ASAP1: variants seen among roughly 807,000 people sequenced by gnomAD.
ASAP1 encodes arf-GAP with SH3 domain, ANK repeat and PH domain-containing protein 1.
A neutral mutation model predicts 145.2 loss-of-function variants in ASAP1; 43 were observed. That is an observed-to-expected ratio of 0.30 (90% CI 0.23 to 0.38). The LOEUF is 0.38. ASAP1 is among the 10% of genes least tolerant of loss of function. ASAP1 has a pLI of 1.00. For missense variants in ASAP1, 1,018 were observed against 1,355.3 expected, an observed-to-expected ratio of 0.75 and a Z score of 3.91; for synonymous variants, 546 against 515.5, an observed-to-expected ratio of 1.06 and a Z score of -0.80.
At chr8:130,440,544 A>G (rs2138843384) in intron 1 of ASAP1, among the ~76,000 whole-genome samples, 1 of 150,356 alleles carries the variant, frequency 6.7e-6, no homozygotes, top group South Asian at 2.1e-4. Context: ...ATCACTGCTG[A>G]GCTTAAACTC....
At chr8:130,148,149 G>A (rs931558909) in intron 13 of ASAP1, among the ~76,000 whole-genome samples, 3 of 152,174 alleles carry the variant, frequency 2.0e-5, no homozygotes, top group Non-Finnish European at 2.9e-5. Flanking sequence ...TAAGGCCAAG[G>A]TAAGCAGTTC....
At chr8:130,220,036 A>G (rs114262113) in intron 4 of ASAP1, among the ~76,000 whole-genome samples, 3 of 152,268 alleles carry the variant, frequency 2.0e-5, no homozygotes, top group African/African-American at 7.2e-5. Context: ...TGTTCCTCCC[A>G]CATTGGCCAC....
At chr8:130,133,376 G>C (rs1439482723) in intron 15 of ASAP1, among the ~76,000 whole-genome samples, 2 of 152,204 alleles carry the variant, frequency 1.3e-5, no homozygotes, top group Non-Finnish European at 2.9e-5. Flanking sequence ...CAACCCAGGG[G>C]CCGGGCGCGG....
intron 6 of ASAP1, among the ~76,000 whole-genome samples, 191 bp from the exon 7 acceptor site, chr8:130,187,476 C>T (rs987827599): frequency 1.3e-5 from 2 of 151,168 alleles, no homozygotes; most frequent in African/African-American, 4.9e-5. Flanking sequence ...AGTGCAGTGC[C>T]ACAATCACAG....
intron 2 of ASAP1, among the ~76,000 whole-genome samples, chr8:130,369,047 T>TG (rs1210196013): frequency 1.3e-5 from 2 of 152,164 alleles, no homozygotes; most frequent in Non-Finnish European, 2.9e-5. Flanking sequence ...ATCCGTAAAA[T>TG]GGGGATAATG....
chr8:130,287,386 G>GCCACCATT (rs1306206987), intron 3 of ASAP1, among the ~76,000 whole-genome samples: 1 of 152,128 alleles, frequency 6.6e-6, no homozygotes, highest in Non-Finnish European at 1.5e-5. Flanking sequence ...ATGGCACCAT[G>GCCACCATT]CACTTACTCA....
intron 1 of ASAP1, among the ~76,000 whole-genome samples, chr8:130,425,017 TA>T (rs1266647877): frequency 7.1e-6 from 1 of 141,228 alleles, no homozygotes; most frequent in Non-Finnish European, 1.5e-5. Context: ...AATAAATAAA[TA>T]AAAAAAAGAG....
chr8:130,231,569 G>GA (rs1249697597), intron 4 of ASAP1, among the ~76,000 whole-genome samples: 15 of 149,994 alleles, frequency 1.0e-4, no homozygotes, highest in Admixed American at 9.9e-4. Context: ...TTTGAGCAAA[G>GA]AAAAAAAAAG....
chr8:130,303,977 T>C (rs1311265889), intron 3 of ASAP1, among the ~76,000 whole-genome samples: 1 of 152,204 alleles, frequency 6.6e-6, no homozygotes, highest in Non-Finnish European at 1.5e-5. Flanking sequence ...TATTAACTAA[T>C]GTAAGATGTT....
chr8:130,124,064 A>G lies in ASAP1; in HGVS notation c.1556T>C (p.Met519Thr). The change falls in exon 18 of 30, where the codon ATG becomes ACG. Residue 519 changes from methionine to threonine, a missense_variant. Met to Thr is a moderately conservative substitution (Grantham distance 81, BLOSUM62 -1). This residue lies in a region of ASAP1 where 153 missense variants were observed against 221.6 expected (regional missense o/e 0.69). Transcript: ENST00000518721. ...NVGNNSFNDI[M>T]EANLPSPSPK... ...TGAGGGGCTGGGTAAATTTGCTTCC[A>G]TAATATCATTAAAACTATTGTTTCC... 1.2e-6 allele frequency: 2 copies of G among 1,608,248 alleles called. No homozygotes were observed. The highest frequency in any genetic ancestry group is 1.7e-6 in the Non-Finnish European group (2 of 1,178,622).
rs745389921 is a variant in ASAP1, at chr8:130,283,583, G to GAAAAAAAAAAAAAAAAA, written c.187-46590_187-46589insTTTTTTTTTTTTTTTTT. Among the ~76,000 whole-genome samples the GAAAAAAAAAAAAAAAAA allele has an allele frequency of 1.0e-4, 10 of 98,754 alleles. 2 individuals carry two copies. The highest frequency in any genetic ancestry group is 3.8e-4 in the African/African-American group (9 of 23,884). The allele number at this position is 98,754 out of a possible 152,430, so 64.8% of individuals were successfully genotyped here. The stretch of plus-strand genomic sequence containing the variant: ...GGTGACAGAACAAGACTCCATCACA[G>GAAAAAAAAAAAAAAAAA]AAAGAAAAAAAAAAAAAAAAAAAAA... On this transcript the variant is annotated intron_variant, in intron 3 of 29. Transcript: ENST00000518721.
chr8:130,083,740 T>TGGTC (rs1264534943), intron 25 of ASAP1: 2 of 152,204 alleles, frequency 1.3e-5, no homozygotes, highest in Non-Finnish European at 2.9e-5. Context: ...ACTCAATGAG[T>TGGTC]GGTCACTTCA....
chr8:130,297,679 T>C (rs1822370312), intron 3 of ASAP1, among the ~76,000 whole-genome samples: 2 of 152,146 alleles, frequency 1.3e-5, no homozygotes. Flanking sequence ...GAAGGGGGAA[T>C]TTAGGTTCTG....
At chr8:130,223,652 A>C (rs530963455) in intron 4 of ASAP1, among the ~76,000 whole-genome samples, 1 of 152,070 alleles carries the variant, frequency 6.6e-6, no homozygotes, top group African/African-American at 2.4e-5. Context: ...TTATTAAAGG[A>C]AATAGATGAG....
intron 3 of ASAP1, among the ~76,000 whole-genome samples, chr8:130,276,687 A>AACACACACAC (rs1161892776): frequency 1.8e-3 from 164 of 91,634 alleles, no homozygotes; most frequent in Middle Eastern, 7.6e-3. Flanking sequence ...CAAGACTGCA[A>AACACACACAC]ACACACACAC....
intron 3 of ASAP1, among the ~76,000 whole-genome samples, chr8:130,245,882 T>C (rs990985254): frequency 1.3e-5 from 2 of 152,320 alleles, no homozygotes; most frequent in South Asian, 2.1e-4. Flanking sequence ...AGGTAAATAT[T>C]GCAACACATA....
At chr8:130,149,800 AG>A (rs1290145157) in intron 13 of ASAP1, among the ~76,000 whole-genome samples, 2 of 152,232 alleles carry the variant, frequency 1.3e-5, no homozygotes, top group African/African-American at 4.8e-5. Flanking sequence ...AAAACTGGCT[AG>A]AGACCTTTCT....
chr8:130,086,862 C>G (rs1296285067), intron 25 of ASAP1, among the ~76,000 whole-genome samples: 1 of 152,154 alleles, frequency 6.6e-6, no homozygotes, highest in African/African-American at 2.4e-5. Context: ...GGGGGAAAGA[C>G]AGACTCTTTG....
rs1434166017 is a variant in ASAP1 at position 130,092,151 on chromosome 8, G to A, written c.2402-8C>T. On this transcript the variant is annotated splice_polypyrimidine_tract_variant and splice_region_variant and intron_variant, in intron 24 of 29. Coordinates refer to ENST00000518721, the MANE Select transcript of ASAP1 (RefSeq NM_018482.4). Reference sequence around the variant, plus strand: ...AAGGTGGGCCAGTTGGACCTAGAAAGGAAATTGAATGGGGGCAGGAAGATT... The same window carrying A: ...AAGGTGGGCCAGTTGGACCTAGAAAAGAAATTGAATGGGGGCAGGAAGATT... 1 of 1,566,052 alleles carries A rather than the reference G, an allele frequency of 6.4e-7. No homozygotes were observed. The highest frequency in any genetic ancestry group is 1.2e-5 in the South Asian group (1 of 84,396).
Sources: gnomAD v4.1 joint callset for allele counts (sites outside exome capture counted in the v4.1 genomes callset) on GRCh38, gnomAD v4.1.1 for gene constraint, gnomAD v4.1.1 regional missense constraint, MANE v1.5 for transcripts, NCBI Gene and HGNC (gene_info 2026-07-23, HGNC 2026-07-21) for gene names.